The following PCDH15 variants were observed in gnomAD, a reference collection of about 807,000 sequenced individuals.
The protein encoded by PCDH15 is protocadherin related 15.
A neutral mutation model predicts 178.5 loss-of-function variants in PCDH15; 129 were observed. The observed-to-expected ratio is 0.72, with a 90% CI of 0.63 to 0.84. PCDH15 has a LOEUF of 0.84. Ranked by LOEUF, PCDH15 falls within the 40% of genes least tolerant of loss-of-function variation. PCDH15 has a pLI of 0.00. For synonymous variants in PCDH15, 800 were observed against 732.0 expected (o/e 1.09, Z -1.50); for missense variants, 2,230 against 2,099.9 (o/e 1.06, Z -1.21).
chr10:55,216,989 G>A (rs1300837387), intron 1 of PCDH15, among the ~76,000 whole-genome samples: 1 of 151,834 alleles, frequency 6.6e-6, no homozygotes, highest in Admixed American at 6.6e-5. Context: ...AGGGTCTCAT[G>A]TTTGCATACA....
chr10:55,521,167 T>C (rs1841165894), intron 2 of PCDH15, among the ~76,000 whole-genome samples: 1 of 152,006 alleles, frequency 6.6e-6, no homozygotes, highest in Non-Finnish European at 1.5e-5. Context: ...AGTGAGATCA[T>C]ATGGTATTTG....
intron 2 of PCDH15, among the ~76,000 whole-genome samples, chr10:54,984,139 C>A (rs1412531319): frequency 6.6e-6 from 1 of 152,124 alleles, no homozygotes; most frequent in Non-Finnish European, 1.5e-5. Flanking sequence ...GGTGGCTTGG[C>A]ATGCTGAATA....
intron 1 of PCDH15, among the ~76,000 whole-genome samples, chr10:55,181,425 T>C (rs773225727): frequency 1.3e-5 from 2 of 152,044 alleles, no homozygotes; most frequent in African/African-American, 2.4e-5. Flanking sequence ...TCTATTGTGA[T>C]GATACATTGG....
intron 3 of PCDH15, among the ~76,000 whole-genome samples, chr10:54,512,157 A>G (rs2081741196): frequency 6.6e-6 from 1 of 152,162 alleles, no homozygotes; most frequent in African/African-American, 2.4e-5. Flanking sequence ...GTCCACCAAG[A>G]TGTCTAATAA....
At chr10:54,604,767 C>T (rs1266102460) in intron 2 of PCDH15, among the ~76,000 whole-genome samples, 1 of 151,644 alleles carries the variant, frequency 6.6e-6, no homozygotes, top group Non-Finnish European at 1.5e-5. Flanking sequence ...GAAGGATTTA[C>T]TATTGAAATT....
intron 2 of PCDH15, among the ~76,000 whole-genome samples, chr10:54,958,486 G>A (rs1001086713): frequency 6.6e-6 from 1 of 151,666 alleles, no homozygotes; most frequent in Non-Finnish European, 1.5e-5. Context: ...AAAGAGAACT[G>A]TTACTTGACT....
intron 2 of PCDH15, among the ~76,000 whole-genome samples, chr10:55,552,612 A>T (rs914545796): frequency 3.3e-5 from 5 of 151,444 alleles, no homozygotes; most frequent in Non-Finnish European, 7.4e-5. Flanking sequence ...ATTTGAAAAA[A>T]TATACAGTTG....
At chr10:54,556,381 A>G (rs1012724863) in intron 2 of PCDH15, among the ~76,000 whole-genome samples, 5 of 152,268 alleles carry the variant, frequency 3.3e-5, no homozygotes, top group Middle Eastern at 6.8e-3. Context: ...ATCTCTCTAT[A>G]ATTCTACTCT....
intron 26 of PCDH15, among the ~76,000 whole-genome samples, chr10:53,889,013 T>G (rs555125081): frequency 1.3e-5 from 2 of 149,856 alleles, no homozygotes; most frequent in Non-Finnish European, 3.0e-5. Flanking sequence ...CAATTAAATA[T>G]CCACATGGGA....
At chr10:55,627,450 T>G (rs2256659) in intron 2 of PCDH15, among the ~76,000 whole-genome samples, 102,649 of 151,902 alleles carry the variant, frequency 0.68, 35,244 homozygotes, top group African/African-American at 0.79. Flanking sequence ...GCGATGAGCT[T>G]TGAAAGGTAC....
At chr10:54,296,002 G>A (rs1336279118) in intron 8 of PCDH15, among the ~76,000 whole-genome samples, 14 of 150,954 alleles carry the variant, frequency 9.3e-5, no homozygotes, top group South Asian at 2.1e-4. Flanking sequence ...AAAATTAGCC[G>A]GGCGTAGTGG....
intron 2 of PCDH15, among the ~76,000 whole-genome samples, chr10:55,360,693 G>A (rs1845206410): frequency 6.6e-6 from 1 of 151,970 alleles, no homozygotes. Flanking sequence ...CTCAAACAAT[G>A]AATGGATATT....
intron 25 of PCDH15, among the ~76,000 whole-genome samples, chr10:53,905,671 T>A (rs1173263966): frequency 6.6e-6 from 1 of 152,126 alleles, no homozygotes; most frequent in African/African-American, 2.4e-5. Flanking sequence ...TATATTCATA[T>A]CCATACTTAT....
chr10:55,329,605 T>C (rs1273984421), intron 2 of PCDH15, among the ~76,000 whole-genome samples: 1 of 151,940 alleles, frequency 6.6e-6, no homozygotes, highest in Middle Eastern at 3.4e-3. Flanking sequence ...ACTGCTAAAA[T>C]AGACTCAGGT....
intron 1 of PCDH15, among the ~76,000 whole-genome samples, chr10:55,234,528 C>A (rs749207493): frequency 1.4e-4 from 21 of 151,736 alleles, no homozygotes; most frequent in Non-Finnish European, 2.6e-4. Flanking sequence ...CTCAGCCTCC[C>A]AACTAATTTT....
intron 1 of PCDH15, among the ~76,000 whole-genome samples, chr10:55,198,370 G>T (rs1840150919): frequency 6.6e-6 from 1 of 152,134 alleles, no homozygotes; most frequent in Non-Finnish European, 1.5e-5. Flanking sequence ...CTTCCCCCTT[G>T]CTGTTCTTGT....
At chr10:55,568,378 G>A (rs1842344155) in intron 2 of PCDH15, among the ~76,000 whole-genome samples, 1 of 151,928 alleles carries the variant, frequency 6.6e-6, no homozygotes, top group African/African-American at 2.4e-5. Context: ...AGAACAGACA[G>A]TGAAATAATG....
intron 2 of PCDH15, among the ~76,000 whole-genome samples, chr10:55,508,106 T>C (rs1009722657): frequency 6.6e-6 from 1 of 151,624 alleles, no homozygotes; most frequent in African/African-American, 2.4e-5. Flanking sequence ...AAAATTAGAT[T>C]TTATTATGAC....
chr10:53,827,665 CA>C (rs2076774301), intron 31 of PCDH15, 117 bp from the exon 32 acceptor site: 3 of 1,169,044 alleles, frequency 2.6e-6, no homozygotes, highest in African/African-American at 1.5e-5. Flanking sequence ...AATTATTTTA[CA>C]CAAACATCAA....
Sources: allele counts gnomAD v4.1 joint callset (sites outside exome capture counted in the v4.1 genomes callset), GRCh38; gene constraint gnomAD v4.1.1; transcripts MANE v1.5; gene names NCBI Gene and HGNC (gene_info 2026-07-23, HGNC 2026-07-21).